The following SUMF1 variants were observed in gnomAD, a reference collection of about 807,000 sequenced individuals.
SUMF1 encodes the protein formylglycine-generating enzyme.
A neutral mutation model predicts 47.6 loss-of-function variants in SUMF1; 48 were observed. The observed-to-expected ratio is 1.01, with a 90% CI of 0.80 to 1.28. The LOEUF (loss-of-function observed/expected upper bound fraction) is 1.28, where lower values mean the gene tolerates loss of function less well. Among genes scored for constraint, SUMF1 ranks in the 50% most tolerant of loss-of-function variants. SUMF1 has a pLI of 0.00. For missense variants in SUMF1, 571 were observed against 485.4 expected (o/e 1.18, Z -1.66); for synonymous variants, 230 against 192.1 (o/e 1.20, Z -1.63).
chr3:4,036,643 A>T (rs983090530), intron 9 of SUMF1, among the ~76,000 whole-genome samples: 1 of 151,360 alleles, frequency 6.6e-6, no homozygotes. Context: ...GAGCTGGTCA[A>T]CCAAGACCTG....
intron 8 of SUMF1, among the ~76,000 whole-genome samples, chr3:4,253,901 C>A (rs313667): frequency 1.3e-5 from 2 of 148,396 alleles, no homozygotes; most frequent in South Asian, 4.6e-4. Flanking sequence ...TCTCCCAGCA[C>A]GCAGCTGGAG....
chr3:4,396,212 T>A (rs1701033899), intron 7 of SUMF1, among the ~76,000 whole-genome samples: 1 of 152,252 alleles, frequency 6.6e-6, no homozygotes. Context: ...GATGTCTGGC[T>A]TCAGCATCAT....
At chr3:4,400,594 C>T (rs1047038957) in intron 7 of SUMF1, among the ~76,000 whole-genome samples, 1 of 152,312 alleles carries the variant, frequency 6.6e-6, no homozygotes, top group Middle Eastern at 3.4e-3. Context: ...GGAGATGTTC[C>T]AACCAAGAGG....
At chr3:4,157,260 G>A (rs6768203) in intron 8 of SUMF1, among the ~76,000 whole-genome samples, 20,092 of 151,352 alleles carry the variant, frequency 0.13, 1,573 homozygotes, top group Middle Eastern at 0.19. Flanking sequence ...TTTTTTAGAT[G>A]TGCTGGTCAT....
At chr3:4,270,831 G>C (rs958151744) in intron 8 of SUMF1, among the ~76,000 whole-genome samples, 3 of 152,174 alleles carry the variant, frequency 2.0e-5, no homozygotes, top group Non-Finnish European at 2.9e-5. Flanking sequence ...CACTTTGTTA[G>C]GAACTTCCCT....
At chr3:4,040,168 C>T (rs1694883694) in intron 9 of SUMF1, among the ~76,000 whole-genome samples, 1 of 152,052 alleles carries the variant, frequency 6.6e-6, no homozygotes. Flanking sequence ...GGAAATATAT[C>T]AAAACATCAT....
intron 8 of SUMF1, chr3:4,229,216 G>A (rs1171691761): frequency 2.0e-5 from 5 of 251,200 alleles, no homozygotes; most frequent in South Asian, 4.2e-5. Flanking sequence ...GGACTCAAGA[G>A]AAGCATCCTT....
chr3:4,038,994 A>G (rs1694855280), intron 9 of SUMF1, among the ~76,000 whole-genome samples: 1 of 152,188 alleles, frequency 6.6e-6, no homozygotes, highest in Admixed American at 6.5e-5. Context: ...ACAAAATAGC[A>G]TATCATAATA....
chr3:4,254,631 C>A (rs1258371169), intron 8 of SUMF1, among the ~76,000 whole-genome samples: 1 of 130,630 alleles, frequency 7.7e-6, no homozygotes, highest in East Asian at 2.0e-4. Context: ...ACCAAATCTA[C>A]GTCTGATTGG....
At chr3:4,092,064 G>C (rs1157527707) in intron 8 of SUMF1, among the ~76,000 whole-genome samples, 3 of 152,038 alleles carry the variant, frequency 2.0e-5, no homozygotes, top group African/African-American at 7.3e-5. Context: ...ATCCTGGCCA[G>C]CTGCTTCTAC....
chr3:4,081,737 G>A (rs928970042), intron 8 of SUMF1, among the ~76,000 whole-genome samples: 2 of 152,140 alleles, frequency 1.3e-5, no homozygotes, highest in African/African-American at 4.8e-5. Context: ...TCAATTGTAT[G>A]TGTGGACTTG....
intron 8 of SUMF1, among the ~76,000 whole-genome samples, chr3:4,261,384 T>C (rs1464780973): frequency 6.6e-6 from 1 of 152,180 alleles, no homozygotes; most frequent in Non-Finnish European, 1.5e-5. Flanking sequence ...TCCTCCAATA[T>C]ATGAAATCGG....
chr3:4,160,778 C>T lies in SUMF1; in HGVS notation c.1015-92033G>A, dbSNP rs116207701. On this transcript the variant is annotated intron_variant and NMD_transcript_variant, in intron 8 of 12. Transcript: ENST00000448413. ...CTTCAAAACAGCTATTTTGACTTCT[C>T]TGTCTGAAAGGTCACATATTTCTGT... is the stretch of plus-strand genomic sequence containing the variant. Among the ~76,000 whole-genome samples, 1,027 of 152,190 alleles carry T rather than the reference C, an allele frequency of 6.7e-3. 13 individuals are homozygous for T. The highest frequency in any genetic ancestry group is 0.023 in the African/African-American group (972 of 41,504).
chr3:4,313,905 T>G, intron 8 of SUMF1: 1 of 1,396,890 alleles, frequency 7.2e-7, no homozygotes, highest in East Asian at 2.4e-5. Flanking sequence ...CTTTCCCCTT[T>G]CTGTAATAGA....
chr3:4,337,227 TTCCTTACTTC>T (rs1699173386), intron 8 of SUMF1, among the ~76,000 whole-genome samples: 1 of 7,374 alleles, frequency 1.4e-4, no homozygotes, highest in South Asian at 0.016. Context: ...CCTTCCTTCC[TTCCTTACTTC>T]CTTCCCTCCT....
At chr3:4,059,243 T>C (rs1032052792) in intron 9 of SUMF1, among the ~76,000 whole-genome samples, 5 of 152,154 alleles carry the variant, frequency 3.3e-5, no homozygotes, top group African/African-American at 1.2e-4. Flanking sequence ...TACTACTCAA[T>C]GCAAGGTCTA....
intron 8 of SUMF1, among the ~76,000 whole-genome samples, chr3:4,304,447 G>T (rs907938492): frequency 6.6e-6 from 1 of 152,182 alleles, no homozygotes; most frequent in Non-Finnish European, 1.5e-5. Context: ...AGCCTCTACT[G>T]ACTTTCTTAT....
chr3:4,428,371 G>C (rs973504586), intron 3 of SUMF1, among the ~76,000 whole-genome samples: 5 of 145,524 alleles, frequency 3.4e-5, no homozygotes, highest in African/African-American at 1.2e-4. Context: ...TTTTTTTTCT[G>C]GAGAGAGGGT....
At chr3:4,371,962 G>A (rs1700181620) in intron 8 of SUMF1, among the ~76,000 whole-genome samples, 3 of 152,188 alleles carry the variant, frequency 2.0e-5, no homozygotes, top group Admixed American at 6.5e-5. Flanking sequence ...CCTTATTGAA[G>A]CTATACTTTG....
Sources: gnomAD v4.1 joint callset for allele counts (sites outside exome capture counted in the v4.1 genomes callset) on GRCh38, gnomAD v4.1.1 for gene constraint, MANE v1.5 for transcripts, NCBI Gene and HGNC (gene_info 2026-07-23, HGNC 2026-07-21) for gene names.